The following TMEM263 variants were observed in gnomAD, a reference collection of about 807,000 sequenced individuals.
The protein encoded by TMEM263 is transmembrane protein 263.
Under a neutral mutation model 8.6 loss-of-function variants are expected in TMEM263, and 5 were observed. The observed-to-expected ratio is 0.58, with a 90% CI of 0.31 to 1.23. TMEM263 has a LOEUF of 1.23. TMEM263 is among the 50% of genes most tolerant of loss of function. TMEM263 has a pLI of 0.07. For missense variants in TMEM263, 104 were observed against 138.8 expected (o/e 0.75, Z 1.26); for synonymous variants, 50 against 47.9 (o/e 1.04, Z -0.18).
rs910368314 is a variant in TMEM263 at position 106,956,079 on chromosome 12, G to A, written c.-75+14G>A. Reference sequence around the variant, plus strand: ...GCGACCCCGGCGGTGAGTGAGTCGGGATGCGAGGGCAGGGGCGCAGTCCCG... The same window carrying A: ...GCGACCCCGGCGGTGAGTGAGTCGGAATGCGAGGGCAGGGGCGCAGTCCCG... On this transcript the variant is annotated intron_variant, in intron 1 of 3. Transcript: ENST00000280756. 3.8e-5 allele frequency: 37 copies of A among 980,720 alleles called. No homozygotes were observed. Among genetic ancestry groups the A allele is most frequent in the African/African-American group, 1.4e-4 (8 of 57,266 alleles). 60.8% of individuals were successfully genotyped at this position (980,720 alleles called of 1,614,324 possible). A position where few individuals can be genotyped will look rare whatever the true frequency, so the allele number is the denominator to read the frequency against.
rs374898651 is a variant in TMEM263 at position 106,962,760 on chromosome 12, C to T, written c.-6-4351C>T. Among the ~76,000 whole-genome samples, 29 of 152,310 alleles carry T rather than the reference C, an allele frequency of 1.9e-4. No homozygotes were observed. The East Asian group carries it at 4.2e-3, about 22-fold the overall frequency. On this transcript the variant is annotated intron_variant, in intron 2 of 3. Coordinates refer to ENST00000280756, the MANE Select transcript of TMEM263 (RefSeq NM_152261.4). ...CTTCATCTTCTCTCAAAAGGTTTCT[C>T]TTCTGATATTCTCTGTGTTCATCAT...
At chr12:106,961,280 A>G (rs924844697) in intron 2 of TMEM263, among the ~76,000 whole-genome samples, 1 of 83,414 alleles carries the variant, frequency 1.2e-5, no homozygotes, top group African/African-American at 5.2e-5. Context: ...GAGTCTCATT[A>G]TGTTTTCCTG....
At chr12:106,970,551 A>G (rs1425823315) in intron 3 of TMEM263, among the ~76,000 whole-genome samples, 1 of 152,244 alleles carries the variant, frequency 6.6e-6, no homozygotes, top group Non-Finnish European at 1.5e-5. Context: ...AAACTGCTAT[A>G]GACTCATGAC....
At chr12:106,967,271 T>A (rs1284435765) in intron 3 of TMEM263, 91 bp downstream of exon 3, 3 of 896,542 alleles carry the variant, frequency 3.3e-6, no homozygotes, top group Non-Finnish European at 4.9e-6. Flanking sequence ...ATTTTATTTT[T>A]TTTTGAGACA....
rs1013850582 is a variant in TMEM263 at position 106,955,983 on chromosome 12, C to G, written c.-157C>G. The G allele has an allele frequency of 2.0e-6, 2 of 986,482 alleles. No individual in the cohort carries two copies. Among genetic ancestry groups the G allele is most frequent in the Non-Finnish European group, 2.4e-6 (2 of 830,878 alleles). 61.1% of individuals were successfully genotyped at this position (986,482 alleles called of 1,614,324 possible). ...CCGGGGTTGTGCCGGCCGCCGCTGC[C>G]GCCCAGGCCGCCTCAGCTCTCCTCT... On this transcript the variant is annotated 5_prime_UTR_variant, in exon 1 of 4. Coordinates refer to ENST00000280756, the MANE Select transcript of TMEM263 (RefSeq NM_152261.4).
At chr12:106,964,714 C>T (rs1951820961) in intron 2 of TMEM263, among the ~76,000 whole-genome samples, 1 of 152,232 alleles carries the variant, frequency 6.6e-6, no homozygotes, top group Non-Finnish European at 1.5e-5. Context: ...TTATTAAACA[C>T]ATGTGCTGCT....
intron 2 of TMEM263, among the ~76,000 whole-genome samples, chr12:106,960,525 A>G (rs977513765): frequency 6.6e-6 from 1 of 152,140 alleles, no homozygotes; most frequent in Admixed American, 6.5e-5. Context: ...GCAATTGAAT[A>G]TTTCTATATA....
intron 2 of TMEM263, among the ~76,000 whole-genome samples, chr12:106,962,841 A>G (rs549137088): frequency 6.6e-6 from 1 of 152,326 alleles, no homozygotes; most frequent in South Asian, 2.1e-4. Flanking sequence ...TCAAAGTTAC[A>G]TTCTACTTCT....
chr12:106,957,069 T>A lies in TMEM263; in HGVS notation c.-74-13T>A. On this transcript the variant is annotated splice_polypyrimidine_tract_variant and intron_variant, in intron 1 of 3. Transcript: ENST00000280756. The stretch of plus-strand genomic sequence containing the variant: ...TTGCTATATGTGATTATTTGCTGTA[T>A]GCTATTGTTTAGCCTTTGAAACTTC... The A allele has an allele frequency of 1.0e-6, 1 of 984,984 alleles. No homozygotes were observed. Among genetic ancestry groups the A allele is most frequent in the Non-Finnish European group, 1.2e-6 (1 of 829,498 alleles). The allele number at this position is 984,984 out of a possible 1,614,324, so 61.0% of individuals were successfully genotyped here.
intron 2 of TMEM263, among the ~76,000 whole-genome samples, chr12:106,961,811 A>C (rs947954154): frequency 6.6e-6 from 1 of 152,204 alleles, no homozygotes; most frequent in Non-Finnish European, 1.5e-5. Context: ...AATAACCTGC[A>C]TAAGGCTGTT....
chr12:106,969,230 A>C (rs946163791), intron 3 of TMEM263, among the ~76,000 whole-genome samples: 1 of 152,096 alleles, frequency 6.6e-6, no homozygotes. Context: ...TTCTCCATCA[A>C]ATATTGTCAG....
At chr12:106,960,166 C>A (rs1482425662) in intron 2 of TMEM263, among the ~76,000 whole-genome samples, 3 of 152,074 alleles carry the variant, frequency 2.0e-5, no homozygotes, top group Non-Finnish European at 4.4e-5. Context: ...TCCTGAGTAG[C>A]TAGGATTACA....
chr12:106,966,561 A>T (rs1951850489), intron 2 of TMEM263, among the ~76,000 whole-genome samples: 1 of 152,234 alleles, frequency 6.6e-6, no homozygotes, highest in South Asian at 2.1e-4. Context: ...ACTGTTTTCC[A>T]CAGTGGCTGA....
chr12:106,964,755 C>A (rs1016166406), intron 2 of TMEM263, among the ~76,000 whole-genome samples: 2 of 152,206 alleles, frequency 1.3e-5, no homozygotes, highest in Non-Finnish European at 2.9e-5. Flanking sequence ...GAAGTGTCAT[C>A]TTAAGTAGGA....
intron 3 of TMEM263, 63 bp from the exon 4 acceptor site, chr12:106,971,042 G>A: frequency 6.4e-7 from 1 of 1,550,594 alleles, no homozygotes; most frequent in South Asian, 1.2e-5. Flanking sequence ...TTAATGATGT[G>A]TACTGCTCTT....
chr12:106,959,845 C>T (rs1209621328), intron 2 of TMEM263, among the ~76,000 whole-genome samples: 11 of 151,948 alleles, frequency 7.2e-5, no homozygotes, highest in Non-Finnish European at 1.3e-4. Context: ...TTAGCAAATA[C>T]CTTTATAAGG....
chr12:106,965,685 C>T (rs902676120), intron 2 of TMEM263, among the ~76,000 whole-genome samples: 54 of 151,772 alleles, frequency 3.6e-4, no homozygotes, highest in African/African-American at 1.3e-3. Context: ...CATATAAATA[C>T]CACTGACATA....
intron 2 of TMEM263, among the ~76,000 whole-genome samples, chr12:106,964,889 A>G (rs182921300): frequency 6.6e-6 from 1 of 152,268 alleles, no homozygotes; most frequent in East Asian, 1.9e-4. Context: ...TTTGGCCTAG[A>G]TTATTGAAGT....
chr12:106,971,186 C>T lies in TMEM263; in HGVS notation c.146C>T (p.Ala49Val), dbSNP rs1951915811. Reference protein sequence around the residue: ...TGGIFSVTKGAVGATIGGVAW... With the variant: ...TGGIFSVTKGVVGATIGGVAW... ...GGTATCTTCAGTGTTACAAAGGGAG[C>T]TGTTGGTGCCACCATTGGTGGTGTG... Residue 49 changes from alanine (A) to valine (V), a missense_variant, in exon 4 of 4, where the codon GCT becomes GTT. Transcript: ENST00000280756. The T allele has an allele frequency of 1.2e-6, 2 of 1,614,222 alleles. No homozygotes were observed. Among genetic ancestry groups the T allele is most frequent in the Non-Finnish European group, 1.7e-6 (2 of 1,180,040 alleles).
Sources: allele counts gnomAD v4.1 joint callset (sites outside exome capture counted in the v4.1 genomes callset), GRCh38; gene constraint gnomAD v4.1.1; transcripts MANE v1.5; gene names NCBI Gene and HGNC (gene_info 2026-07-23, HGNC 2026-07-21).